Variants in ALDH16A1 observed in about 807,000 individuals in gnomAD.
ALDH16A1 encodes the protein aldehyde dehydrogenase family 16 member A1.
Under a neutral mutation model 96.1 loss-of-function variants are expected in ALDH16A1, and 88 were observed. That is an observed-to-expected ratio of 0.92 (90% CI 0.77 to 1.09). ALDH16A1 has a LOEUF of 1.09. Among genes scored for constraint, ALDH16A1 ranks in the 50% least tolerant of loss-of-function variants. The pLI is 0.00. For missense variants in ALDH16A1, 1,250 were observed against 1,112.6 expected, an observed-to-expected ratio of 1.12 and a Z score of -1.76; for synonymous variants, 522 against 496.4, an observed-to-expected ratio of 1.05 and a Z score of -0.69.
intron 7 of ALDH16A1, 76 bp from the exon 8 acceptor site, chr19:49,462,494 C>T: frequency 1.3e-6 from 2 of 1,507,846 alleles, no homozygotes; most frequent in Non-Finnish European, 1.8e-6. Flanking sequence ...GTTTTCCAGC[C>T]TCTGTCTTCA....
In ALDH16A1 at chr19:49,459,187, T is replaced by C; in HGVS notation, c.320+101T>C. On this transcript the variant is annotated intron_variant, in intron 3 of 16. Transcript: ENST00000293350. The surrounding 1 kb of genome is among the most constrained non-coding windows in gnomAD (Gnocchi z 4.1). Reference sequence around the variant, plus strand: ...TTTCCCAAGATCCCACTGAATTAATTTGCAGCTAAGGCTCAGATTCCCAGT... The same window carrying C: ...TTTCCCAAGATCCCACTGAATTAATCTGCAGCTAAGGCTCAGATTCCCAGT... 6.6e-7 allele frequency: 1 copy of C among 1,508,120 alleles called. No homozygotes were observed. The highest frequency in any genetic ancestry group is 2.3e-5 in the East Asian group (1 of 43,674). The allele number at this position is 1,508,120 out of a possible 1,614,324, so 93.4% of individuals were successfully genotyped here.
intron 7 of ALDH16A1, 105 bp from the exon 8 acceptor site, chr19:49,462,460 TTTATC>T: frequency 7.7e-7 from 1 of 1,306,538 alleles, no homozygotes; most frequent in Non-Finnish European, 1.1e-6. Flanking sequence ...ACTCTGTTGA[TTTATC>T]TGAGTGTCCA....
chr19:49,470,379 CCT>C lies in ALDH16A1; in HGVS notation c.2322_2323del (p.Trp775GlyfsTer63). 1 of 1,612,834 alleles carries C rather than the reference CCT, an allele frequency of 6.2e-7. No homozygotes were observed. The highest frequency in any genetic ancestry group is 8.5e-7 in the Non-Finnish European group (1 of 1,179,736). ...TGGGCGAGCAGGGGCTGCCCGCGGGCCTGGGACCAGGAGGCCGAGGGGGCAGG... is the reference window on the plus strand; with the variant it reads ...TGGGCGAGCAGGGGCTGCCCGCGGGCGGGACCAGGAGGCCGAGGGGGCAGG... On this transcript the variant is annotated frameshift_variant, in exon 17 of 17. Coordinates refer to ENST00000293350, the MANE Select transcript of ALDH16A1 (RefSeq NM_153329.4). LOFTEE classifies it high-confidence loss of function.
chr19:49,467,954 A>G (rs1420825712), intron 14 of ALDH16A1, among the ~76,000 whole-genome samples: 4 of 150,928 alleles, frequency 2.7e-5, no homozygotes, highest in Non-Finnish European at 5.9e-5. Flanking sequence ...AGAGATCGAG[A>G]CCATCCTGGC....
intron 1 of ALDH16A1, among the ~76,000 whole-genome samples, chr19:49,457,260 G>A (rs1371918320): frequency 1.3e-5 from 2 of 151,446 alleles, no homozygotes; most frequent in African/African-American, 4.8e-5. Flanking sequence ...GAAATATGGA[G>A]GAGAAGTCCG....
chr19:49,464,327 C>A, intron 10 of ALDH16A1, 64 bp downstream of exon 10: 1 of 1,584,966 alleles, frequency 6.3e-7, no homozygotes, highest in Non-Finnish European at 8.6e-7. Context: ...CTCCCTTCTC[C>A]CTGGGTCGCT....
Position 49,466,064 on chromosome 19 carries a change from T to C in ALDH16A1, c.1737-18T>C. 1 of 1,540,254 alleles carries C rather than the reference T, an allele frequency of 6.5e-7. No individual in the cohort carries two copies. Among genetic ancestry groups the C allele is most frequent in the East Asian group, 2.4e-5 (1 of 41,036 alleles). ...AAGACCAGGATGCCAACCCCCACTG[T>C]GCGCTGTCTGCCCACAGCTGGGCGG... On this transcript the variant is annotated intron_variant, in intron 13 of 16. Coordinates refer to ENST00000293350, the MANE Select transcript of ALDH16A1 (RefSeq NM_153329.4).
At chr19:49,455,143 C>T (rs887309818) in intron 1 of ALDH16A1, among the ~76,000 whole-genome samples, 3 of 148,888 alleles carry the variant, frequency 2.0e-5, no homozygotes, top group African/African-American at 7.5e-5. Flanking sequence ...AATGGCTGGG[C>T]GCAGTGGTTC....
In ALDH16A1 at chr19:49,461,655, C is replaced by G. The variant is rs555341638; in HGVS notation, c.614C>G (p.Pro205Arg). ...GTGGCCCTCGTGCCCCCGGCCTCCC[C>G]GGCGCCCCTCCTCCTGGCCCAGCTG... ...TVVALVPPAS[P>R]APLLLAQLAG... The change falls in exon 6 of 17, where the codon CCG (proline) becomes CGG (arginine). Residue 205 changes from proline (P) to arginine (R), a missense_variant. By Grantham distance (103) the Pro-to-Arg change is moderately radical (BLOSUM62 -2). Coordinates refer to ENST00000293350, the MANE Select transcript of ALDH16A1 (RefSeq NM_153329.4). 2.5e-6 allele frequency: 4 copies of G among 1,603,542 alleles called. No individual in the cohort carries two copies. Among genetic ancestry groups the G allele is most frequent in the African/African-American group, 2.7e-5 (2 of 74,652 alleles).
In ALDH16A1 at chr19:49,468,452, C is replaced by T. The variant is rs781582861; in HGVS notation, c.2010C>T (p.Asp670=). The T allele has an allele frequency of 8.7e-6, 14 of 1,601,756 alleles. No individual in the cohort carries two copies. The highest frequency in any genetic ancestry group is 3.3e-5 in the Admixed American group (2 of 60,008). ...GTGTGCTGGCTGTGGTGTGTCCGGA[C>T]GAGTGGCCCCTGCTTGCCTTCGTGT... ...PLGVLAVVCP[D]EWPLLAFVSL... Residue 670 remains aspartate, a synonymous_variant, in exon 15 of 17, where the codon GAC becomes GAT. Coordinates refer to ENST00000293350, the MANE Select transcript of ALDH16A1 (RefSeq NM_153329.4). This position sits in a 1 kb window ranked among gnomAD's most constrained non-coding sequence, Gnocchi z 4.4.
chr19:49,464,561 C>T, intron 11 of ALDH16A1, 39 bp downstream of exon 11: 2 of 1,613,392 alleles, frequency 1.2e-6, no homozygotes, highest in Non-Finnish European at 1.7e-6. Context: ...CCCCCCGCCG[C>T]CCCATGCCCT....
chr19:49,468,404 G>A lies in ALDH16A1; in HGVS notation c.1962G>A (p.Val654=), dbSNP rs1319091297. The A allele has an allele frequency of 1.3e-6, 2 of 1,599,978 alleles. No homozygotes were observed. The highest frequency in any genetic ancestry group is 2.2e-5 in the South Asian group (2 of 91,014). ...TLQVAGLRGP[V]LRLREPLGVL... ...AGGTAGCCGGGCTGAGAGGCCCTGT[G>A]CTGCGCCTGCGGGAGCCGCTGGGTG... is the stretch of plus-strand genomic sequence containing the variant. Residue 654 remains valine (V), a synonymous_variant, in exon 15 of 17, where the codon GTG becomes GTA. Transcript: ENST00000293350. This position sits in a 1 kb window ranked among gnomAD's most constrained non-coding sequence, Gnocchi z 4.4.
In ALDH16A1 at chr19:49,464,397, C is replaced by T; in HGVS notation, c.1332-20C>T. 4 of 1,584,586 alleles carry T rather than the reference C, an allele frequency of 2.5e-6. No individual in the cohort carries two copies. Among genetic ancestry groups the T allele is most frequent in the South Asian group, 1.1e-5 (1 of 88,036 alleles). Reference sequence around the variant, plus strand: ...CCACCGTCTGTTTTCCTCTGTTGGACACCTTCATCTTCCCCACAGGCTCCA... The same window carrying T: ...CCACCGTCTGTTTTCCTCTGTTGGATACCTTCATCTTCCCCACAGGCTCCA... On this transcript the variant is annotated intron_variant, in intron 10 of 16. Coordinates refer to ENST00000293350, the MANE Select transcript of ALDH16A1 (RefSeq NM_153329.4).
intron 1 of ALDH16A1, among the ~76,000 whole-genome samples, chr19:49,456,725 CATG>C (rs1347931383): frequency 6.6e-6 from 1 of 152,178 alleles, no homozygotes; most frequent in Non-Finnish European, 1.5e-5. Context: ...ATGCCCAGTT[CATG>C]TTCAAATATC....
In ALDH16A1 at chr19:49,465,744, A is replaced by G. The variant is rs1213264481; in HGVS notation, c.1575A>G (p.Ala525=). 31 of 1,612,426 alleles carry G rather than the reference A, an allele frequency of 1.9e-5. No individual in the cohort carries two copies. In the East Asian group the frequency reaches 6.5e-4, roughly 34 times the overall value. The change falls in exon 13 of 17, where the codon GCA becomes GCG. Residue 525 remains alanine, a synonymous_variant. Transcript: ENST00000293350. The stretch of plus-strand genomic sequence containing the variant: ...ATGTCCCACCCTACTCCAGCCCAGC[A>G]CCCCCCTATGGGCTCTTCGTTGGGG... ...PAGPEIGPSP[A]PPYGLFVGGR...
rs2079216634 is a variant in ALDH16A1 at position 49,468,381 on chromosome 19, G to A, written c.1939G>A (p.Val647Ile). 1.3e-6 allele frequency: 2 copies of A among 1,598,334 alleles called. No individual in the cohort carries two copies. The highest frequency in any genetic ancestry group is 1.3e-5 in the African/African-American group (1 of 74,950). The change falls in exon 15 of 17, where the codon GTA becomes ATA. Residue 647 changes from valine to isoleucine, a missense_variant and splice_region_variant. Coordinates refer to ENST00000293350, the MANE Select transcript of ALDH16A1 (RefSeq NM_153329.4). This position sits in a 1 kb window ranked among gnomAD's most constrained non-coding sequence, Gnocchi z 4.4. ...ACACGTGACCCACCTGTCCCTGCAG[G>A]TAGCCGGGCTGAGAGGCCCTGTGCT... is the stretch of plus-strand genomic sequence containing the variant. ...RVQAQGHTLQ[V>I]AGLRGPVLRL...
At chr19:49,464,359 C>T in intron 10 of ALDH16A1, 58 bp from the exon 11 acceptor site, 2 of 1,561,688 alleles carry the variant, frequency 1.3e-6, no homozygotes, top group East Asian at 4.7e-5. Flanking sequence ...TAACTCACCC[C>T]TCTCCCGGCC....
intron 14 of ALDH16A1, among the ~76,000 whole-genome samples, chr19:49,467,057 C>T (rs1489897181): frequency 6.6e-6 from 1 of 152,170 alleles, no homozygotes; most frequent in Non-Finnish European, 1.5e-5. Context: ...CTCCCTCTGG[C>T]ACCCGGCTGG....
At position 49,453,430 on chromosome 19, in the gene ALDH16A1, C is replaced by G. The variant is rs893278915; in HGVS notation, c.90+9C>G. On this transcript the variant is annotated intron_variant, in intron 1 of 16. Coordinates refer to ENST00000293350, the MANE Select transcript of ALDH16A1 (RefSeq NM_153329.4). Reference sequence around the variant, plus strand: ...GCCACGCATGCGCACTGGTGAGAGTCTGCCCGGCCGGCGCTGCTCGCTGCG... The same window carrying G: ...GCCACGCATGCGCACTGGTGAGAGTGTGCCCGGCCGGCGCTGCTCGCTGCG... The G allele has an allele frequency of 1.3e-6, 2 of 1,533,680 alleles. No homozygotes were observed. Among genetic ancestry groups the G allele is most frequent in the South Asian group, 2.4e-5 (2 of 83,966 alleles).
Sources: allele counts gnomAD v4.1 joint callset (sites outside exome capture counted in the v4.1 genomes callset), GRCh38; gene constraint gnomAD v4.1.1; non-coding constraint Gnocchi (gnomAD v3.1); transcripts MANE v1.5; gene names NCBI Gene and HGNC (gene_info 2026-07-23, HGNC 2026-07-21).